Variants in SUPT3H observed in about 807,000 individuals in gnomAD.
SUPT3H encodes the protein transcription initiation protein SPT3 homolog.
SUPT3H carries 44 observed loss-of-function variants against 44.3 expected under a neutral mutation model. That is an observed-to-expected ratio of 0.99 (90% CI 0.78 to 1.28). The LOEUF (loss-of-function observed/expected upper bound fraction) is 1.28, where lower values mean the gene tolerates loss of function less well. Among genes scored for constraint, SUPT3H ranks in the 50% most tolerant of loss-of-function variants. The pLI is 0.00. For missense variants in SUPT3H, 380 were observed against 387.1 expected (o/e 0.98, Z 0.15); for synonymous variants, 124 against 125.6 (o/e 0.99, Z 0.09).
At chr6:45,302,157 T>C (rs946736799) in intron 2 of SUPT3H, among the ~76,000 whole-genome samples, 23 of 152,180 alleles carry the variant, frequency 1.5e-4, no homozygotes, top group Admixed American at 1.3e-3. Flanking sequence ...TTTGGTCACA[T>C]GAGTAAGTTT....
At chr6:45,334,881 T>A (rs185919175) in intron 2 of SUPT3H, among the ~76,000 whole-genome samples, 1 of 151,388 alleles carries the variant, frequency 6.6e-6, no homozygotes, top group East Asian at 1.9e-4. Flanking sequence ...GGATTAGGCA[T>A]CTACTAGGAA....
intron 3 of SUPT3H, among the ~76,000 whole-genome samples, chr6:45,100,908 C>A (rs547811765): frequency 6.6e-6 from 1 of 152,218 alleles, no homozygotes; most frequent in African/African-American, 2.4e-5. Context: ...TTTATTGCAG[C>A]AATACTCACA....
At chr6:44,836,641 A>G (rs1401864557) in intron 10 of SUPT3H, among the ~76,000 whole-genome samples, 1 of 152,198 alleles carries the variant, frequency 6.6e-6, no homozygotes, top group East Asian at 1.9e-4. Context: ...GGCAGTCTGA[A>G]TACAAAAATC....
At chr6:44,897,533 T>C (rs915053442) in intron 10 of SUPT3H, among the ~76,000 whole-genome samples, 19 of 152,216 alleles carry the variant, frequency 1.2e-4, no homozygotes, top group African/African-American at 4.1e-4. Flanking sequence ...TGACTTTGCA[T>C]CATGTTTTTA....
rs923119119 is a variant in SUPT3H, at chr6:44,862,505, C to T, written c.913-32648G>A. 7.3e-5 allele frequency among the ~76,000 whole-genome samples: 11 copies of T among 151,722 alleles called. No homozygotes were observed. The South Asian group carries it at 8.4e-4, about 12-fold the overall frequency. On this transcript the variant is annotated intron_variant, in intron 10 of 10. Transcript: ENST00000371459. ...CAGCCTGGCCAACATGGTGAAATCCCGCCTCTACTAAAAATACAAAAATTA... is the reference window on the plus strand; with the variant it reads ...CAGCCTGGCCAACATGGTGAAATCCTGCCTCTACTAAAAATACAAAAATTA...
At chr6:45,376,981 C>T (rs978348158) in intron 1 of SUPT3H, among the ~76,000 whole-genome samples, 4 of 151,624 alleles carry the variant, frequency 2.6e-5, no homozygotes, top group Non-Finnish European at 5.9e-5. Context: ...CTAATTTATC[C>T]ACGTGTACAG....
At chr6:44,822,445 G>A (rs1234592988), downstream of SUPT3H, among the ~76,000 whole-genome samples, 1 of 152,190 alleles carries the variant, frequency 6.6e-6, no homozygotes, top group African/African-American at 2.4e-5. Flanking sequence ...GAACTGGTAG[G>A]TTTTCAAAGA....
chr6:45,288,681 T>A (rs1779800628), intron 2 of SUPT3H, among the ~76,000 whole-genome samples: 1 of 149,426 alleles, frequency 6.7e-6, no homozygotes, highest in Non-Finnish European at 1.5e-5. Flanking sequence ...GTACTGTTTA[T>A]AAATTCATTA....
At chr6:45,063,283 A>G (rs1397633512) in intron 3 of SUPT3H, among the ~76,000 whole-genome samples, 1 of 148,372 alleles carries the variant, frequency 6.7e-6, no homozygotes, top group East Asian at 2.0e-4. Context: ...ACAAACAGAA[A>G]GGACATCCAC....
intron 6 of SUPT3H, among the ~76,000 whole-genome samples, chr6:44,966,312 T>C (rs1776763285): frequency 6.6e-6 from 1 of 152,006 alleles, no homozygotes; most frequent in South Asian, 2.1e-4. Context: ...TTTACTGAGA[T>C]GGTTTTATTT....
intron 2 of SUPT3H, among the ~76,000 whole-genome samples, chr6:45,134,306 C>T (rs1455155943): frequency 2.0e-5 from 3 of 152,216 alleles, no homozygotes; most frequent in Non-Finnish European, 4.4e-5. Context: ...CCCTCATGAA[C>T]TGATCACCTC....
chr6:45,045,544 G>C (rs1789252648), intron 3 of SUPT3H, among the ~76,000 whole-genome samples: 1 of 152,046 alleles, frequency 6.6e-6, no homozygotes, highest in Non-Finnish European at 1.5e-5. Context: ...AAGGAGTTTT[G>C]GGGCTAAGAC....
chr6:45,150,244 C>CT (rs1304041115), intron 2 of SUPT3H, among the ~76,000 whole-genome samples: 4 of 151,868 alleles, frequency 2.6e-5, no homozygotes, highest in Non-Finnish European at 4.4e-5. Flanking sequence ...TTATTTGTTC[C>CT]TTTTTTTACT....
chr6:44,949,611 CA>C (rs34872121), intron 9 of SUPT3H, among the ~76,000 whole-genome samples: 78 of 140,162 alleles, frequency 5.6e-4, no homozygotes, highest in African/African-American at 9.5e-4. Flanking sequence ...CCTTTGCCTG[CA>C]AAAAAAAAAA....
intron 1 of SUPT3H, among the ~76,000 whole-genome samples, chr6:45,369,988 TAA>T (rs1795786535): frequency 1.3e-5 from 2 of 152,176 alleles, no homozygotes; most frequent in African/African-American, 4.8e-5. Context: ...GCAGATCTTA[TAA>T]AGCCTTTAGG....
At chr6:44,824,485 C>A (rs1313262492), downstream of SUPT3H, among the ~76,000 whole-genome samples, 3 of 152,090 alleles carry the variant, frequency 2.0e-5, no homozygotes, top group Admixed American at 6.5e-5. Context: ...TATAGGGAGA[C>A]CCCATCTTAA....
intron 9 of SUPT3H, among the ~76,000 whole-genome samples, chr6:44,944,629 G>A (rs1854547): frequency 0.42 from 63,053 of 150,730 alleles, 13,554 homozygotes; most frequent in East Asian, 0.7. Context: ...AGGCGTAGTG[G>A]TGCATGCCTG....
chr6:45,280,322 T>G (rs1363779418), intron 2 of SUPT3H, among the ~76,000 whole-genome samples: 1 of 151,918 alleles, frequency 6.6e-6, no homozygotes, highest in Non-Finnish European at 1.5e-5. Flanking sequence ...GCCAACATGG[T>G]GAAACCCTGT....
chr6:45,155,195 A>G (rs1807617540), intron 2 of SUPT3H, among the ~76,000 whole-genome samples: 1 of 152,174 alleles, frequency 6.6e-6, no homozygotes, highest in Admixed American at 6.6e-5. Flanking sequence ...CTTCATAACC[A>G]ATTAATTGAG....
Sources: allele counts gnomAD v4.1 joint callset (sites outside exome capture counted in the v4.1 genomes callset), GRCh38; gene constraint gnomAD v4.1.1; transcripts MANE v1.5; gene names NCBI Gene and HGNC (gene_info 2026-07-23, HGNC 2026-07-21).